The following MPPE1 variants were observed in gnomAD, a reference collection of about 807,000 sequenced individuals.
MPPE1 encodes metallophosphoesterase 1.
In MPPE1, 28 loss-of-function variants were observed where a neutral mutation model predicts 43.8. The observed-to-expected ratio is 0.64, with a 90% CI of 0.47 to 0.88. MPPE1 has a LOEUF of 0.88. MPPE1 is among the 40% of genes least tolerant of loss of function. The probability of loss-of-function intolerance (pLI) is 0.00; values close to 1 mark genes in which losing one functional copy is unlikely to be tolerated. For missense variants in MPPE1, 428 were observed against 492.2 expected (o/e 0.87, Z 1.23); for synonymous variants, 159 against 188.5 (o/e 0.84, Z 1.28).
At position 11,886,742 on chromosome 18, in the gene MPPE1, G is replaced by C. The variant is rs1469153278; in HGVS notation, c.715C>G (p.Leu239Val). 1 of 1,613,444 alleles carries C rather than the reference G, an allele frequency of 6.2e-7. No homozygotes were observed. Among genetic ancestry groups the C allele is most frequent in the Non-Finnish European group, 8.5e-7 (1 of 1,179,930 alleles). Reference protein sequence around the residue: ...GSSRCGPGPLLPTSAPVLLQH... With the variant: ...GSSRCGPGPLVPTSAPVLLQH... ...AGGAGGACAGGGGCAGACGTGGGCA[G>C]CAGAGGCCCAGGTCCACACCGGCTG... The change falls in exon 8 of 11, where the codon CTG becomes GTG. Residue 239 changes from leucine to valine, a missense_variant. By Grantham distance (32) the Leu-to-Val change is conservative. Around this residue, in one of 3 missense-constraint regions of MPPE1, gnomAD observed 379 missense variants for 402.5 expected, o/e 0.94. Coordinates refer to ENST00000588072, the MANE Select transcript of MPPE1 (RefSeq NM_023075.6). The surrounding 1 kb of genome is among the most constrained non-coding windows in gnomAD (Gnocchi z 4.1).
At chr18:11,887,090 C>T in intron 6 of MPPE1, 65 bp from the exon 7 acceptor site, 1 of 1,207,108 alleles carries the variant, frequency 8.3e-7, no homozygotes, top group Non-Finnish European at 1.2e-6. Context: ...CCCTACTGTT[C>T]CCATGAAAAG....
In MPPE1 at chr18:11,885,005, G is replaced by GTCT. The variant is rs563509148; in HGVS notation, c.1009-381_1009-379dup. 5.4e-4 allele frequency: 697 copies of GTCT among 1,300,776 alleles called. 6 individuals carry two copies. In the African/African-American group the frequency reaches 9.7e-3, roughly 18 times the overall value. The allele number at this position is 1,300,776 out of a possible 1,614,324, so 80.6% of individuals were successfully genotyped here. On this transcript the variant is annotated intron_variant, in intron 10 of 10. Transcript: ENST00000588072. The stretch of plus-strand genomic sequence containing the variant: ...CAGCGAGGAACAAGGAGGGAAAGGT[G>GTCT]TCTTCCTGCCCCTTGATGCTCAACT...
chr18:11,900,846 G>T (rs2039108906), intron 2 of MPPE1, among the ~76,000 whole-genome samples: 1 of 151,178 alleles, frequency 6.6e-6, no homozygotes, highest in Admixed American at 6.6e-5. Context: ...GGCAAAGCCT[G>T]CAGTGAGCCG....
Position 11,888,751 on chromosome 18 carries a change from C to A in MPPE1, c.495-8G>T. 6.5e-7 allele frequency: 1 copy of A among 1,546,746 alleles called. No individual in the cohort carries two copies. The highest frequency in any genetic ancestry group is 8.7e-7 in the Non-Finnish European group (1 of 1,143,836). On this transcript the variant is annotated splice_polypyrimidine_tract_variant and splice_region_variant and intron_variant, in intron 5 of 10. Transcript: ENST00000588072. ...ACTTTGTATGTGTTCATCCTATATT[C>A]AATTGTGAGAAGAAACATTTTTCAG... is the stretch of plus-strand genomic sequence containing the variant.
intron 2 of MPPE1, among the ~76,000 whole-genome samples, chr18:11,901,463 T>A (rs1391775693): frequency 6.6e-6 from 1 of 151,694 alleles, no homozygotes; most frequent in Non-Finnish European, 1.5e-5. Context: ...ACTCCTGGCC[T>A]CAGGTGATCC....
chr18:11,900,689 C>CCT (rs1567968711), intron 2 of MPPE1, among the ~76,000 whole-genome samples: 1 of 151,894 alleles, frequency 6.6e-6, no homozygotes. Flanking sequence ...GGGCAGATCA[C>CCT]GAGGTCAGGA....
chr18:11,900,708 C>T (rs549415787), intron 2 of MPPE1, among the ~76,000 whole-genome samples: 116 of 151,894 alleles, frequency 7.6e-4, no homozygotes, highest in East Asian at 2.1e-3. Flanking sequence ...GAGATCGAGA[C>T]CATCCTGGCT....
intron 4 of MPPE1, chr18:11,891,366 G>A (rs1035074510): frequency 2.0e-5 from 3 of 151,910 alleles, no homozygotes; most frequent in Admixed American, 6.6e-5. Context: ...CCAACTACTC[G>A]AGGAGGCTGA....
At chr18:11,900,894 A>G (rs981132597) in intron 2 of MPPE1, among the ~76,000 whole-genome samples, 9 of 147,970 alleles carry the variant, frequency 6.1e-5, no homozygotes, top group African/African-American at 7.8e-5. Context: ...GCGACAGAGC[A>G]AGACTCCGTC....
At position 11,885,879 on chromosome 18, in the gene MPPE1, G is replaced by A. The variant is rs541492326; in HGVS notation, c.868-63C>T. 1.3e-3 allele frequency: 1,944 copies of A among 1,482,240 alleles called. 5 individuals carry two copies. The highest frequency in any genetic ancestry group is 4.8e-3 in the Middle Eastern group (27 of 5,602). The allele number at this position is 1,482,240 out of a possible 1,614,324, so 91.8% of individuals were successfully genotyped here. On this transcript the variant is annotated intron_variant, in intron 9 of 10. Coordinates refer to ENST00000588072, the MANE Select transcript of MPPE1 (RefSeq NM_023075.6). Reference sequence around the variant, plus strand: ...GCTCATCCTCAACCAGGCTCTCACCGCTCAGCAGACGGCCGCTGGCCATCG... The same window carrying A: ...GCTCATCCTCAACCAGGCTCTCACCACTCAGCAGACGGCCGCTGGCCATCG...
chr18:11,889,462 T>A lies in MPPE1; in HGVS notation c.419A>T (p.Gln140Leu). The A allele has an allele frequency of 1.2e-6, 2 of 1,613,452 alleles. No homozygotes were observed. Among genetic ancestry groups the A allele is most frequent in the Non-Finnish European group, 1.7e-6 (2 of 1,179,698 alleles). Residue 140 changes from glutamine (Q) to leucine (L), a missense_variant, in exon 5 of 11, where the codon CAG becomes CTG. Gln to Leu is a moderately radical substitution (Grantham distance 113). Around this residue, in one of 3 missense-constraint regions of MPPE1, gnomAD observed 379 missense variants for 402.5 expected, o/e 0.94. Coordinates refer to ENST00000588072, the MANE Select transcript of MPPE1 (RefSeq NM_023075.6). ...EAWADDVERF[Q>L]KMFRHPSHVQ... is the part of the protein sequence containing the mutation. ...ATGACTTGGGTGTCTGAACATTTTC[T>A]GAAACCGCTCCACATCATCCGCCCA...
intron 2 of MPPE1, among the ~76,000 whole-genome samples, chr18:11,901,514 A>C (rs1423666959): frequency 6.8e-6 from 1 of 147,278 alleles, no homozygotes; most frequent in Non-Finnish European, 1.5e-5. Flanking sequence ...TACAGGCGTG[A>C]GCCACTGTGC....
At chr18:11,901,623 C>G (rs1426285684) in intron 2 of MPPE1, among the ~76,000 whole-genome samples, 1 of 151,866 alleles carries the variant, frequency 6.6e-6, no homozygotes, top group Non-Finnish European at 1.5e-5. Flanking sequence ...GGTGGATCAC[C>G]TGAGGTCAGG....
In MPPE1 at chr18:11,888,664, C is replaced by T. The variant is rs372469206; in HGVS notation, c.569+5G>A. Reference sequence around the variant, plus strand: ...GTCTTGGAAGAATTTACAAATAATACTCACTTAATGCCTTTCCAAGAAAAC... The same window carrying T: ...GTCTTGGAAGAATTTACAAATAATATTCACTTAATGCCTTTCCAAGAAAAC... On this transcript the variant is annotated splice_donor_5th_base_variant and intron_variant, in intron 6 of 10. Coordinates refer to ENST00000588072, the MANE Select transcript of MPPE1 (RefSeq NM_023075.6). The T allele has an allele frequency of 1.9e-6, 3 of 1,574,274 alleles. No individual in the cohort carries two copies. Among genetic ancestry groups the T allele is most frequent in the Non-Finnish European group, 2.6e-6 (3 of 1,155,462 alleles).
intron 2 of MPPE1, among the ~76,000 whole-genome samples, chr18:11,901,768 G>A (rs984065257): frequency 6.6e-6 from 1 of 152,082 alleles, no homozygotes; most frequent in Non-Finnish European, 1.5e-5. Flanking sequence ...GAATCCAGGA[G>A]GTGGAGGTTG....
At chr18:11,892,943 A>C (rs2038166966) in intron 4 of MPPE1, 1 of 153,502 alleles carries the variant, frequency 6.5e-6, no homozygotes, top group African/African-American at 2.4e-5. Flanking sequence ...CAGGGGTCTC[A>C]GCCCCCTCTG....
intron 2 of MPPE1, among the ~76,000 whole-genome samples, chr18:11,901,136 C>A (rs1265930): frequency 0.25 from 37,517 of 151,874 alleles, 5,906 homozygotes; most frequent in African/African-American, 0.43. Context: ...AAAGGGTAGG[C>A]AATGGTGAAA....
intron 10 of MPPE1, chr18:11,885,326 G>C (rs1018318288): frequency 3.4e-6 from 1 of 289,878 alleles, no homozygotes; most frequent in African/African-American, 2.2e-5. Context: ...GGCATGTTTA[G>C]AAAATAAGAG....
intron 3 of MPPE1, among the ~76,000 whole-genome samples, chr18:11,894,447 A>C (rs2038362623): frequency 6.6e-6 from 1 of 151,386 alleles, no homozygotes; most frequent in South Asian, 2.1e-4. Flanking sequence ...AAAAAAAAAA[A>C]AAAAAAAACA....
Sources: gnomAD v4.1 joint callset for allele counts (sites outside exome capture counted in the v4.1 genomes callset) on GRCh38, gnomAD v4.1.1 for gene constraint, gnomAD v4.1.1 regional missense constraint, Gnocchi (gnomAD v3.1) non-coding constraint, MANE v1.5 for transcripts, NCBI Gene and HGNC (gene_info 2026-07-23, HGNC 2026-07-21) for gene names.